Variants in SPINK5 observed in about 807,000 individuals in gnomAD.
SPINK5 encodes the protein serine protease inhibitor Kazal-type 5.
In SPINK5, 125 loss-of-function variants were observed where a neutral mutation model predicts 151.8. The observed-to-expected ratio is 0.82, with a 90% CI of 0.71 to 0.96. SPINK5 has a LOEUF of 0.96. Ranked by LOEUF, SPINK5 falls within the 40% of genes least tolerant of loss-of-function variation. The pLI, the probability that SPINK5 is intolerant of heterozygous loss-of-function variation, is 0.00. For synonymous variants in SPINK5, 374 were observed against 395.3 expected (o/e 0.95, Z 0.64); for missense variants, 1,194 against 1,291.9 (o/e 0.92, Z 1.16).
chr5:148,072,817 G>C (rs1424633196), intron 4 of SPINK5, among the ~76,000 whole-genome samples: 1 of 149,590 alleles, frequency 6.7e-6, no homozygotes, highest in Non-Finnish European at 1.5e-5. Flanking sequence ...TATCTATTTT[G>C]CAGACAGGGA....
At chr5:148,096,978 T>C (rs990093883) in intron 10 of SPINK5, among the ~76,000 whole-genome samples, 1 of 151,826 alleles carries the variant, frequency 6.6e-6, no homozygotes, top group Non-Finnish European at 1.5e-5. Context: ...CCAAGTCCTT[T>C]TAATTTTGAT....
intron 26 of SPINK5, among the ~76,000 whole-genome samples, chr5:148,123,514 TATATGTG>T (rs1195563190): frequency 8.0e-5 from 1 of 12,516 alleles, no homozygotes; most frequent in African/African-American, 2.4e-4. Flanking sequence ...AGTGGTGCAA[TATATGTG>T]TATATATATA....
Position 148,120,109 on chromosome 5 carries a change from A to G in SPINK5, c.2414A>G (p.Asn805Ser). Residue 805 changes from asparagine (N) to serine (S), a missense_variant, in exon 25 of 33, where the codon AAT (asparagine) becomes AGT (serine). Physicochemically the swap from Asn to Ser is conservative, Grantham distance 46. Coordinates refer to ENST00000256084, the MANE Select transcript of SPINK5 (RefSeq NM_006846.4). ...VRGPDGKTHG[N>S]KCTMCKEKLE... is the part of the protein sequence containing the mutation. ...GGTCCAGATGGCAAGACACATGGCA[A>G]TAAGTGTACTATGTGTAAGGAAAAA... 1 of 1,614,050 alleles carries G rather than the reference A, an allele frequency of 6.2e-7. No individual in the cohort carries two copies. Among genetic ancestry groups the G allele is most frequent in the South Asian group, 1.1e-5 (1 of 91,082 alleles).
intron 26 of SPINK5, among the ~76,000 whole-genome samples, chr5:148,121,173 A>G (rs901732505): frequency 6.0e-5 from 9 of 150,688 alleles, no homozygotes; most frequent in Admixed American, 3.3e-4. Flanking sequence ...AAAAAGGAAA[A>G]GAAAAAGAAG....
At chr5:148,104,891 G>A (rs533782210) in intron 15 of SPINK5, 61 bp from the exon 16 acceptor site, 155 of 1,494,700 alleles carry the variant, frequency 1.0e-4, no homozygotes, top group Admixed American at 3.4e-4. Flanking sequence ...GAGAGACTCC[G>A]TCTCAAAAAA....
At chr5:148,099,106 T>C in intron 11 of SPINK5, 128 bp from the exon 12 acceptor site, 2 of 742,020 alleles carry the variant, frequency 2.7e-6, no homozygotes, top group South Asian at 1.6e-5. Flanking sequence ...TTCTCATTGA[T>C]ATGCAGTGAT....
At chr5:148,090,993 A>T in intron 7 of SPINK5, 172 bp from the exon 8 acceptor site, 1 of 614,174 alleles carries the variant, frequency 1.6e-6, no homozygotes, top group South Asian at 2.0e-5. Flanking sequence ...TTCTTTCCTT[A>T]TCTTTGGCAA....
In SPINK5 at chr5:148,120,013, C is replaced by G; in HGVS notation, c.2318C>G (p.Thr773Arg). The G allele has an allele frequency of 6.2e-7, 1 of 1,613,758 alleles. No individual in the cohort carries two copies. The highest frequency in any genetic ancestry group is 8.5e-7 in the Non-Finnish European group (1 of 1,179,718). ...ATAATCTTCCCATCTTTTCAGGATACATGTGATGAGTTTAGAAGCCAAATG... is the reference window on the plus strand; with the variant it reads ...ATAATCTTCCCATCTTTTCAGGATAGATGTGATGAGTTTAGAAGCCAAATG... ...NGTGSESGKD[T>R]CDEFRSQMKN... Residue 773 changes from threonine (T) to arginine (R), a missense_variant, in exon 25 of 33, where the codon ACA becomes AGA. Thr to Arg is a moderately conservative substitution (Grantham distance 71). Coordinates refer to ENST00000256084, the MANE Select transcript of SPINK5 (RefSeq NM_006846.4).
chr5:148,107,892 C>T (rs927096998), intron 17 of SPINK5, among the ~76,000 whole-genome samples: 1 of 152,076 alleles, frequency 6.6e-6, no homozygotes, highest in African/African-American at 2.4e-5. Flanking sequence ...CTGAACTTAA[C>T]CCTAAAATAA....
intron 26 of SPINK5, among the ~76,000 whole-genome samples, chr5:148,121,431 C>G (rs2113200167): frequency 6.6e-6 from 1 of 151,890 alleles, no homozygotes; most frequent in East Asian, 1.9e-4. Context: ...AAAATGAAAC[C>G]TTATTAGTAA....
At chr5:148,123,521 G>GTATATATATATATATATATATA (rs1159209367) in intron 26 of SPINK5, among the ~76,000 whole-genome samples, 1 of 25,014 alleles carries the variant, frequency 4.0e-5, no homozygotes, top group African/African-American at 8.0e-5. Flanking sequence ...CAATATATGT[G>GTATATATATATATATATATATA]TATATATATA....
intron 10 of SPINK5, 124 bp from the exon 11 acceptor site, chr5:148,097,743 G>T (rs1218773004): frequency 3.3e-5 from 32 of 969,762 alleles, no homozygotes; most frequent in African/African-American, 6.6e-5. Context: ...ATTTTTGGAT[G>T]GTCCTAAATC....
chr5:148,071,529 G>C (rs976354725), intron 3 of SPINK5, among the ~76,000 whole-genome samples: 3 of 152,012 alleles, frequency 2.0e-5, no homozygotes, highest in Non-Finnish European at 4.4e-5. Flanking sequence ...GTTTTAATAT[G>C]AGACTGAAAG....
chr5:148,095,841 A>G lies in SPINK5; in HGVS notation c.818A>G (p.Asn273Ser). Reference protein sequence around the residue: ...EIFKQRFSEENSKTDQNLGKA... With the variant: ...EIFKQRFSEESSKTDQNLGKA... ...AGCAAGCAGCGTTTTTCAGAGGAAA[A>G]CAGTAAAACAGATCAAAATTTGGGA... Residue 273 changes from asparagine to serine, a missense_variant, in exon 10 of 33, where the codon AAC (asparagine) becomes AGC (serine). By Grantham distance (46) the Asn-to-Ser change is conservative. Transcript: ENST00000256084. The G allele has an allele frequency of 6.2e-7, 1 of 1,612,364 alleles. No individual in the cohort carries two copies.
At chr5:148,134,068 G>T in intron 32 of SPINK5, 181 bp downstream of exon 32, 1 of 691,206 alleles carries the variant, frequency 1.4e-6, no homozygotes. Flanking sequence ...GAAATAAGTG[G>T]AAATAATGTA....
At chr5:148,068,566 A>C (rs1752646934) in intron 2 of SPINK5, among the ~76,000 whole-genome samples, 1 of 143,900 alleles carries the variant, frequency 6.9e-6, no homozygotes, top group Admixed American at 6.8e-5. Context: ...AAAAAAAAAA[A>C]AAAAAAAAAA....
chr5:148,066,170 G>A (rs772706307), intron 2 of SPINK5, among the ~76,000 whole-genome samples: 7 of 152,120 alleles, frequency 4.6e-5, no homozygotes, highest in Admixed American at 1.3e-4. Flanking sequence ...ACCTGTGAGC[G>A]CAGAGGCCCT....
In SPINK5 at chr5:148,112,906, G is replaced by C; in HGVS notation, c.1859G>C (p.Arg620Thr). The C allele has an allele frequency of 6.2e-7, 1 of 1,613,868 alleles. No individual in the cohort carries two copies. The highest frequency in any genetic ancestry group is 8.5e-7 in the Non-Finnish European group (1 of 1,179,890). The change falls in exon 20 of 33, where the codon AGA becomes ACA. Residue 620 changes from arginine to threonine, a missense_variant. By Grantham distance (71) the Arg-to-Thr change is moderately conservative. Coordinates refer to ENST00000256084, the MANE Select transcript of SPINK5 (RefSeq NM_006846.4). ...EAKEKERAEP[R>T]AKVKREAEKE... is the part of the protein sequence containing the mutation. The stretch of plus-strand genomic sequence containing the variant: ...AAAGAAAAAGAAAGAGCTGAACCCA[G>C]AGCAAAAGTCAAAAGAGAAGCTGAA...
chr5:148,137,153 C>CCATCT lies in SPINK5; in HGVS notation c.*164_*168dup. ...TGGACTCACTGATTTTCAGTCTTTT[C>CCATCT]CATCTCTTTCCTCCTAGACTCTGTG... On this transcript the variant is annotated 3_prime_UTR_variant, in exon 33 of 33. Transcript: ENST00000256084. The CCATCT allele has an allele frequency of 1.1e-6, 1 of 886,638 alleles. No individual in the cohort carries two copies. The highest frequency in any genetic ancestry group is 1.8e-6 in the Non-Finnish European group (1 of 548,950). 54.9% of individuals were successfully genotyped at this position (886,638 alleles called of 1,614,324 possible).
Sources: allele counts gnomAD v4.1 joint callset (sites outside exome capture counted in the v4.1 genomes callset), GRCh38; gene constraint gnomAD v4.1.1; transcripts MANE v1.5; gene names NCBI Gene and HGNC (gene_info 2026-07-23, HGNC 2026-07-21).